The following LPAR1 variants were observed in gnomAD, a reference collection of about 807,000 sequenced individuals.
The protein encoded by LPAR1 is LPA receptor 1.
In LPAR1, 5 loss-of-function variants were observed where a neutral mutation model predicts 23.8. That is an observed-to-expected ratio of 0.21 (90% CI 0.11 to 0.44). The LOEUF is 0.44. Ranked by LOEUF, LPAR1 falls within the 20% of genes least tolerant of loss-of-function variation. LPAR1 has a pLI of 0.99. For missense variants in LPAR1, 311 were observed against 482.8 expected (o/e 0.64, Z 3.33); for synonymous variants, 160 against 164.7 (o/e 0.97, Z 0.22).
intron 2 of LPAR1, among the ~76,000 whole-genome samples, chr9:110,979,267 ATAACTT>A (rs2096620525): frequency 6.6e-6 from 1 of 152,130 alleles, no homozygotes; most frequent in Non-Finnish European, 1.5e-5. Flanking sequence ...AGATTGGAAT[ATAACTT>A]TAAGGAATGT....
chr9:110,982,375 A>G (rs2139058775), intron 2 of LPAR1, among the ~76,000 whole-genome samples: 1 of 152,216 alleles, frequency 6.6e-6, no homozygotes, highest in South Asian at 2.1e-4. Flanking sequence ...GTAACACAAG[A>G]AGAGAAAACC....
At chr9:110,924,250 AG>A (rs1331493346) in intron 5 of LPAR1, among the ~76,000 whole-genome samples, 1 of 151,472 alleles carries the variant, frequency 6.6e-6, no homozygotes, top group Non-Finnish European at 1.5e-5. Flanking sequence ...AAAAAAAAAA[AG>A]AAAACGTAAA....
At chr9:110,903,242 A>C (rs1481909849) in intron 5 of LPAR1, 2 of 152,200 alleles carry the variant, frequency 1.3e-5, no homozygotes, top group Non-Finnish European at 2.9e-5. Flanking sequence ...GCCATCCTCA[A>C]AATGGTGTAA....
chr9:110,894,288 G>A (rs2085524380), intron 5 of LPAR1, among the ~76,000 whole-genome samples: 1 of 152,198 alleles, frequency 6.6e-6, no homozygotes, highest in African/African-American at 2.4e-5. Context: ...CAGACCTGAG[G>A]TCAGATACTG....
intron 5 of LPAR1, among the ~76,000 whole-genome samples, chr9:110,881,837 A>G (rs2080946935): frequency 6.6e-6 from 1 of 152,138 alleles, no homozygotes; most frequent in Non-Finnish European, 1.5e-5. Flanking sequence ...AACCCTCCAA[A>G]GTCTTCCTAC....
chr9:110,909,666 TTA>T lies in LPAR1; in HGVS notation c.793+31753_793+31754del, dbSNP rs60148806. ...TCACAATATTTCAAACTTTTCATTA[TTA>T]TATCTGTTATGGTGATCTGTGATCA... On this transcript the variant is annotated intron_variant, in intron 5 of 5. Coordinates refer to ENST00000683809, the MANE Select transcript of LPAR1 (RefSeq NM_001351411.2). Among the ~76,000 whole-genome samples the T allele has an allele frequency of 3.8e-3, 573 of 152,292 alleles. 2 individuals are homozygous for T. The highest frequency in any genetic ancestry group is 0.013 in the African/African-American group (526 of 41,562).
chr9:110,973,305 T>A (rs914578088), intron 3 of LPAR1, among the ~76,000 whole-genome samples, 176 bp downstream of exon 3: 16 of 151,968 alleles, frequency 1.1e-4, no homozygotes, highest in African/African-American at 3.4e-4. Context: ...GAAGAAAAAA[T>A]TGAGGCTTAG....
Position 111,038,070 on chromosome 9 carries a change from G to A in LPAR1, c.-262+97C>T, listed in dbSNP as rs1444913823. On this transcript the variant is annotated intron_variant, in intron 1 of 5. Coordinates refer to ENST00000683809, the MANE Select transcript of LPAR1 (RefSeq NM_001351411.2). The surrounding 1 kb of genome is among the most constrained non-coding windows in gnomAD (Gnocchi z 4.4). ...AAGCCCGTCCGCGGCGGGACAGTGT[G>A]AGCCCAGCGCGCCGTGTGGCGGGCC... 6.6e-6 allele frequency: 1 copy of A among 151,764 alleles called. No homozygotes were observed. Among genetic ancestry groups the A allele is most frequent in the Admixed American group, 6.6e-5 (1 of 15,248 alleles). The allele number at this position is 151,764 out of a possible 1,614,324, so 9.4% of individuals were successfully genotyped here.
intron 5 of LPAR1, among the ~76,000 whole-genome samples, chr9:110,901,379 A>C (rs930812448): frequency 2.0e-5 from 3 of 152,174 alleles, no homozygotes; most frequent in African/African-American, 7.2e-5. Flanking sequence ...TAGAGGCAGC[A>C]TGTATTAGTC....
chr9:110,909,304 C>T (rs1182089261), intron 5 of LPAR1, among the ~76,000 whole-genome samples: 1 of 152,162 alleles, frequency 6.6e-6, no homozygotes, highest in East Asian at 1.9e-4. Context: ...CCGGGTGTTT[C>T]AGTAACAGTA....
At chr9:110,998,843 G>C (rs1464025375) in intron 2 of LPAR1, among the ~76,000 whole-genome samples, 1 of 152,136 alleles carries the variant, frequency 6.6e-6, no homozygotes, top group Non-Finnish European at 1.5e-5. Context: ...CTACCGGAAA[G>C]GCAATATCTA....
At chr9:110,958,982 A>G (rs956520578) in intron 4 of LPAR1, among the ~76,000 whole-genome samples, 3 of 151,776 alleles carry the variant, frequency 2.0e-5, no homozygotes, top group Non-Finnish European at 4.4e-5. Flanking sequence ...TTTCCTAATC[A>G]TCAGGGAAAT....
chr9:111,005,300 G>C (rs567788998), intron 2 of LPAR1, among the ~76,000 whole-genome samples: 1 of 151,246 alleles, frequency 6.6e-6, no homozygotes, highest in Admixed American at 6.6e-5. Flanking sequence ...TGGGCCAGGC[G>C]TGACGGCTCA....
chr9:111,038,563 C>T, upstream of LPAR1: 2 of 450,062 alleles, frequency 4.4e-6, no homozygotes, highest in South Asian at 3.1e-5. This position sits in a 1 kb window ranked among gnomAD's most constrained non-coding sequence, Gnocchi z 4.4. Flanking sequence ...CTCCGCCTTC[C>T]TTCTTTTCTG....
At chr9:110,948,728 A>G (rs2095471154) in intron 4 of LPAR1, among the ~76,000 whole-genome samples, 2 of 152,112 alleles carry the variant, frequency 1.3e-5, no homozygotes, top group South Asian at 4.1e-4. Flanking sequence ...CTAAGAGGGA[A>G]CTTAAACCAA....
chr9:110,976,555 C>T (rs1383923453), intron 2 of LPAR1, among the ~76,000 whole-genome samples: 1 of 152,070 alleles, frequency 6.6e-6, no homozygotes, highest in East Asian at 1.9e-4. Flanking sequence ...TGCAACTCTT[C>T]CAACCTGCCA....
intron 4 of LPAR1, among the ~76,000 whole-genome samples, chr9:110,971,705 T>C (rs898424779): frequency 1.3e-4 from 20 of 150,414 alleles, no homozygotes; most frequent in Non-Finnish European, 2.4e-4. Flanking sequence ...TCCATTCTGA[T>C]ATATTTCATT....
chr9:110,925,519 T>C (rs1285231080), intron 5 of LPAR1, among the ~76,000 whole-genome samples: 1 of 152,152 alleles, frequency 6.6e-6, no homozygotes, highest in Non-Finnish European at 1.5e-5. Flanking sequence ...AATTTCTGGA[T>C]AAATATACAA....
At chr9:110,962,794 T>A (rs1045853721) in intron 4 of LPAR1, among the ~76,000 whole-genome samples, 1 of 152,150 alleles carries the variant, frequency 6.6e-6, no homozygotes, top group Non-Finnish European at 1.5e-5. Context: ...TGTTATGCAA[T>A]TACCAAATGG....
Sources: gnomAD v4.1 joint callset for allele counts (sites outside exome capture counted in the v4.1 genomes callset) on GRCh38, gnomAD v4.1.1 for gene constraint, Gnocchi (gnomAD v3.1) non-coding constraint, MANE v1.5 for transcripts, NCBI Gene and HGNC (gene_info 2026-07-23, HGNC 2026-07-21) for gene names.